Variants in DAAM1 observed in about 807,000 individuals in gnomAD.
DAAM1 encodes the protein dishevelled associated activator of morphogenesis 1.
Under a neutral mutation model 130.0 loss-of-function variants are expected in DAAM1, and 52 were observed. The observed-to-expected ratio is 0.40, with a 90% CI of 0.32 to 0.50. The LOEUF (loss-of-function observed/expected upper bound fraction) is 0.50. DAAM1 is among the 20% of genes least tolerant of loss of function. DAAM1 has a pLI of 0.61. For synonymous variants in DAAM1, 452 were observed against 444.5 expected (o/e 1.02, Z -0.21); for missense variants, 1,134 against 1,303.8 (o/e 0.87, Z 2.01).
At chr14:59,334,440 C>T (rs1183877081) in intron 15 of DAAM1, among the ~76,000 whole-genome samples, 1 of 152,096 alleles carries the variant, frequency 6.6e-6, no homozygotes, top group East Asian at 1.9e-4. Flanking sequence ...ATGATGTCTC[C>T]TTTTTCCTCC....
At chr14:59,327,108 C>T (rs1885233607) in intron 12 of DAAM1, 117 bp downstream of exon 12, 1 of 1,098,074 alleles carries the variant, frequency 9.1e-7, no homozygotes, top group African/African-American at 1.6e-5. Flanking sequence ...GGCAGCCTTT[C>T]TTTTTCCATC....
At chr14:59,291,598 C>CT (rs1883743034) in intron 3 of DAAM1, 1 of 337,766 alleles carries the variant, frequency 3.0e-6, no homozygotes, top group Non-Finnish European at 5.5e-6. Flanking sequence ...CTGCGCTTTA[C>CT]ATACCAGTCT....
intron 1 of DAAM1, among the ~76,000 whole-genome samples, chr14:59,238,760 T>A (rs1889385027): frequency 6.6e-6 from 1 of 151,948 alleles, no homozygotes; most frequent in Admixed American, 6.6e-5. Flanking sequence ...TTCTGAATAT[T>A]TTTTTTTGCG....
chr14:59,301,635 G>A (rs903189376), intron 3 of DAAM1, among the ~76,000 whole-genome samples: 2 of 152,130 alleles, frequency 1.3e-5, no homozygotes, highest in Admixed American at 1.3e-4. Context: ...CTGCACAAGC[G>A]AGCAGATGGA....
intron 1 of DAAM1, among the ~76,000 whole-genome samples, chr14:59,195,232 C>G (rs1887850745): frequency 7.3e-5 from 11 of 150,988 alleles, no homozygotes; most frequent in Admixed American, 7.3e-4. Context: ...CAAGCTCCGC[C>G]TCCCAGGTTC....
intron 1 of DAAM1, among the ~76,000 whole-genome samples, chr14:59,263,234 T>A (rs1882260732): frequency 6.6e-6 from 1 of 152,228 alleles, no homozygotes; most frequent in Non-Finnish European, 1.5e-5. Flanking sequence ...CAGCAGTTAT[T>A]GCAGGAAACA....
intron 3 of DAAM1, among the ~76,000 whole-genome samples, chr14:59,308,658 A>G (rs1036662055): frequency 1.3e-5 from 2 of 152,208 alleles, no homozygotes; most frequent in Non-Finnish European, 2.9e-5. Context: ...CTCTAGGGTC[A>G]AAGACCAGTT....
chr14:59,347,705 G>GC, intron 17 of DAAM1, 82 bp downstream of exon 17: 1 of 1,321,934 alleles, frequency 7.6e-7, no homozygotes, highest in Non-Finnish European at 1.1e-6. Context: ...TCCGGTTGTT[G>GC]CTAGTGGATC....
At chr14:59,205,842 C>T (rs993793379) in intron 1 of DAAM1, among the ~76,000 whole-genome samples, 1 of 152,076 alleles carries the variant, frequency 6.6e-6, no homozygotes, top group Non-Finnish European at 1.5e-5. Flanking sequence ...AATAAGAATA[C>T]AGTAGGTTAG....
At chr14:59,200,227 C>A (rs559833933) in intron 1 of DAAM1, among the ~76,000 whole-genome samples, 1 of 152,192 alleles carries the variant, frequency 6.6e-6, no homozygotes, top group South Asian at 2.1e-4. Flanking sequence ...CCCAGCAGAT[C>A]TAGTAGGTAA....
In DAAM1 at chr14:59,281,752, G is replaced by A. The variant is rs187279924; in HGVS notation, c.184-9465G>A. 3.9e-5 allele frequency among the ~76,000 whole-genome samples: 6 copies of A among 152,272 alleles called. No individual in the cohort carries two copies. The East Asian group carries it at 1.2e-3, about 29-fold the overall frequency. On this transcript the variant is annotated intron_variant, in intron 2 of 24. Transcript: ENST00000360909. ...TAACGTCTGGCCCTGGTCCTGGAAT[G>A]GGTAGGACAGTGAGTAAGTGTTGAT...
At chr14:59,268,201 C>T (rs903380855) in intron 2 of DAAM1, among the ~76,000 whole-genome samples, 5 of 152,124 alleles carry the variant, frequency 3.3e-5, no homozygotes, top group Non-Finnish European at 7.4e-5. Flanking sequence ...GCGCCCGGCG[C>T]CTGCCACATT....
At chr14:59,206,383 C>T (rs577135593) in intron 1 of DAAM1, among the ~76,000 whole-genome samples, 2 of 152,288 alleles carry the variant, frequency 1.3e-5, no homozygotes, top group Admixed American at 1.3e-4. Flanking sequence ...TCACGCCATT[C>T]TCCTGCCTCA....
intron 2 of DAAM1, among the ~76,000 whole-genome samples, chr14:59,280,623 G>A (rs991913118): frequency 2.2e-5 from 3 of 138,182 alleles, no homozygotes; most frequent in Non-Finnish European, 3.0e-5. Flanking sequence ...AATTGAGTTC[G>A]CGTCTTTTGG....
chr14:59,364,193 C>T (rs941204757), intron 23 of DAAM1, among the ~76,000 whole-genome samples: 1 of 152,168 alleles, frequency 6.6e-6, no homozygotes, highest in African/African-American at 2.4e-5. Flanking sequence ...TTACTAAAGC[C>T]ATGTGCCTAA....
At chr14:59,215,210 G>A (rs954890597) in intron 1 of DAAM1, among the ~76,000 whole-genome samples, 4 of 152,194 alleles carry the variant, frequency 2.6e-5, no homozygotes, top group Non-Finnish European at 5.9e-5. Flanking sequence ...ATTACCAGGA[G>A]TTTTACTTTC....
At chr14:59,262,692 G>A (rs1192356395) in intron 1 of DAAM1, among the ~76,000 whole-genome samples, 1 of 118,136 alleles carries the variant, frequency 8.5e-6, no homozygotes, top group Admixed American at 8.6e-5. Flanking sequence ...GTGTGTGTGT[G>A]TGTGTGTAAT....
rs771202791 is a variant in DAAM1 at position 59,327,010 on chromosome 14, A to G, written c.1372+19A>G. ...AGAAAAGGTAAATAATGAGGCCCTG[A>G]TAAGAGGCTGTGTTATTGGTTATTG... On this transcript the variant is annotated intron_variant, in intron 12 of 24. Transcript: ENST00000360909. 3 of 1,613,622 alleles carry G rather than the reference A, an allele frequency of 1.9e-6. No individual in the cohort carries two copies. The highest frequency in any genetic ancestry group is 1.1e-5 in the South Asian group (1 of 91,074).
At chr14:59,280,719 C>T (rs1301858374) in intron 2 of DAAM1, among the ~76,000 whole-genome samples, 2 of 151,858 alleles carry the variant, frequency 1.3e-5, no homozygotes, top group Non-Finnish European at 2.9e-5. Context: ...CTACTCATCC[C>T]CAGAAAGGCA....
Sources: gnomAD v4.1 joint callset for allele counts (sites outside exome capture counted in the v4.1 genomes callset) on GRCh38, gnomAD v4.1.1 for gene constraint, MANE v1.5 for transcripts, NCBI Gene and HGNC (gene_info 2026-07-23, HGNC 2026-07-21) for gene names.